NMNAT2: variants seen among roughly 807,000 people sequenced by gnomAD.
The protein encoded by NMNAT2 is nicotinamide nucleotide adenylyltransferase 2.
In NMNAT2, 11 loss-of-function variants were observed where a neutral mutation model predicts 41.6. The ratio of observed to expected loss-of-function variants is 0.26; its 90% confidence interval spans 0.17 to 0.44. The LOEUF (loss-of-function observed/expected upper bound fraction) is 0.44, where lower values mean the gene tolerates loss of function less well. NMNAT2 is among the 20% of genes least tolerant of loss of function. The probability of loss-of-function intolerance (pLI) is 1.00; values close to 1 mark genes in which losing one functional copy is unlikely to be tolerated. For missense variants in NMNAT2, 288 were observed against 407.7 expected, an observed-to-expected ratio of 0.71 and a Z score of 2.53; for synonymous variants, 148 against 151.2, an observed-to-expected ratio of 0.98 and a Z score of 0.16.
intron 1 of NMNAT2, among the ~76,000 whole-genome samples, chr1:183,309,124 C>T (rs953701237): frequency 6.6e-6 from 1 of 152,142 alleles, no homozygotes; most frequent in Non-Finnish European, 1.5e-5. Flanking sequence ...CTCAGCCTCC[C>T]GAGTAGCAGG....
chr1:183,263,490 T>C (rs766691320), intron 8 of NMNAT2, among the ~76,000 whole-genome samples: 1 of 152,180 alleles, frequency 6.6e-6, no homozygotes, highest in Non-Finnish European at 1.5e-5. Context: ...GCTTTAAACA[T>C]TTCCAAAGCC....
chr1:183,256,810 C>T lies in NMNAT2; in HGVS notation c.822-4067G>A, dbSNP rs368379660. 5.5e-4 allele frequency among the ~76,000 whole-genome samples: 84 copies of T among 152,208 alleles called. 1 individual carries two copies. The East Asian group carries it at 0.014, about 26-fold the overall frequency. The stretch of plus-strand genomic sequence containing the variant: ...TGTTGCCCAGGCTGGAGTGCAGCAG[C>T]GCATGATCTCAGTTCACTGCAACCT... On this transcript the variant is annotated intron_variant, in intron 10 of 10. Coordinates refer to ENST00000287713, the MANE Select transcript of NMNAT2 (RefSeq NM_015039.4).
chr1:183,392,860 C>G (rs115490165), intron 1 of NMNAT2, among the ~76,000 whole-genome samples: 2,876 of 152,308 alleles, frequency 0.019, 62 homozygotes, highest in African/African-American at 0.053. Context: ...AATCCCCCAA[C>G]CCCATACTCA....
At chr1:183,371,227 A>C (rs562353863) in intron 1 of NMNAT2, among the ~76,000 whole-genome samples, 3 of 152,326 alleles carry the variant, frequency 2.0e-5, no homozygotes, top group Admixed American at 6.5e-5. Context: ...GAAAAAGGCT[A>C]TATACAGCAT....
intron 1 of NMNAT2, among the ~76,000 whole-genome samples, chr1:183,362,684 G>GT (rs373863216): frequency 5.9e-5 from 9 of 152,042 alleles, no homozygotes; most frequent in African/African-American, 1.9e-4. Context: ...TATTTGGGTT[G>GT]TTTTTTTCCT....
Position 183,377,062 on chromosome 1 carries a change from T to C in NMNAT2, c.85+41121A>G, listed in dbSNP as rs141469061. ...CCCCTCTCTTCCTCAAGGAAGGAAA[T>C]ATTCAGCAGGAAGTGCGACACAGCT... On this transcript the variant is annotated intron_variant, in intron 1 of 10. Transcript: ENST00000287713. Among the ~76,000 whole-genome samples, 437 of 152,080 alleles carry C rather than the reference T, an allele frequency of 2.9e-3. 1 individual carries two copies. Among genetic ancestry groups the C allele is most frequent in the Admixed American group, 5.0e-3 (77 of 15,280 alleles).
intron 1 of NMNAT2, among the ~76,000 whole-genome samples, chr1:183,321,353 T>C (rs905091257): frequency 3.3e-5 from 5 of 152,146 alleles, no homozygotes; most frequent in African/African-American, 1.2e-4. Flanking sequence ...CCTCAGAGGC[T>C]AGGGTAGGAA....
intron 1 of NMNAT2, among the ~76,000 whole-genome samples, chr1:183,324,843 G>A (rs969157689): frequency 9.9e-5 from 15 of 152,008 alleles, no homozygotes; most frequent in Non-Finnish European, 1.5e-4. Context: ...TAAACTCCCC[G>A]GGGGCAGGGA....
At chr1:183,342,920 TA>T (rs1361750363) in intron 1 of NMNAT2, among the ~76,000 whole-genome samples, 4 of 151,408 alleles carry the variant, frequency 2.6e-5, no homozygotes, top group African/African-American at 9.7e-5. Context: ...TTATTATTAT[TA>T]TTATTATTTT....
chr1:183,375,141 C>A (rs975930055), intron 1 of NMNAT2, among the ~76,000 whole-genome samples: 3 of 152,190 alleles, frequency 2.0e-5, no homozygotes, highest in African/African-American at 7.2e-5. Flanking sequence ...CTTTGTCTCT[C>A]CTTTGTCCTC....
chr1:183,414,349 A>G (rs1361947964), intron 1 of NMNAT2, among the ~76,000 whole-genome samples: 1 of 152,248 alleles, frequency 6.6e-6, no homozygotes, highest in Non-Finnish European at 1.5e-5. Context: ...TTTTGTTTAT[A>G]TAGCCAAAAT....
At chr1:183,297,889 A>C (rs1661745361) in intron 1 of NMNAT2, among the ~76,000 whole-genome samples, 1 of 152,230 alleles carries the variant, frequency 6.6e-6, no homozygotes, top group Non-Finnish European at 1.5e-5. Flanking sequence ...CCAGGGATAC[A>C]AGGCTGTTTT....
chr1:183,337,276 AT>A lies in NMNAT2; in HGVS notation c.86-43484del, dbSNP rs199581681. ...AATGACATAGTGAAGGGATAAAAAT[AT>A]GAAAAAAATTAGGAAGAGAGAAAAT... On this transcript the variant is annotated intron_variant, in intron 1 of 10. Coordinates refer to ENST00000287713, the MANE Select transcript of NMNAT2 (RefSeq NM_015039.4). Among the ~76,000 whole-genome samples, 1,232 of 152,298 alleles carry A rather than the reference AT, an allele frequency of 8.1e-3. 18 individuals carry two copies. Among genetic ancestry groups the A allele is most frequent in the African/African-American group, 0.028 (1,166 of 41,576 alleles).
At chr1:183,271,896 G>A (rs1660995981) in intron 8 of NMNAT2, among the ~76,000 whole-genome samples, 1 of 152,132 alleles carries the variant, frequency 6.6e-6, no homozygotes, top group Non-Finnish European at 1.5e-5. Flanking sequence ...GGGATTACAG[G>A]AGCCTGCCAC....
intron 1 of NMNAT2, among the ~76,000 whole-genome samples, chr1:183,364,240 G>A (rs1663368148): frequency 6.6e-6 from 1 of 152,200 alleles, no homozygotes; most frequent in South Asian, 2.1e-4. Context: ...AGCTCATAAT[G>A]CATTGGGTAA....
At chr1:183,350,481 C>G (rs952294870) in intron 1 of NMNAT2, among the ~76,000 whole-genome samples, 1 of 152,188 alleles carries the variant, frequency 6.6e-6, no homozygotes, top group Admixed American at 6.5e-5. Flanking sequence ...CATAATTTTA[C>G]CATTCAAAGA....
At chr1:183,326,430 G>T (rs1201526390) in intron 1 of NMNAT2, among the ~76,000 whole-genome samples, 1 of 150,558 alleles carries the variant, frequency 6.6e-6, no homozygotes, top group Non-Finnish European at 1.5e-5. Context: ...TTTAGATATG[G>T]TTGCAAGGGA....
At chr1:183,362,829 A>G (rs886418823) in intron 1 of NMNAT2, among the ~76,000 whole-genome samples, 1 of 152,178 alleles carries the variant, frequency 6.6e-6, no homozygotes, top group African/African-American at 2.4e-5. Context: ...TAACTTTTTG[A>G]GAAACTGACA....
Position 183,414,276 on chromosome 1 carries a change from G to GA in NMNAT2, c.85+3906dup, listed in dbSNP as rs537196117. On this transcript the variant is annotated intron_variant, in intron 1 of 10. Coordinates refer to ENST00000287713, the MANE Select transcript of NMNAT2 (RefSeq NM_015039.4). ...GACCCTATATCTACAAATTAAAATA[G>GA]AAAAAAATACAAAAAATAGCTAGAA... Among the ~76,000 whole-genome samples the GA allele has an allele frequency of 9.9e-5, 15 of 152,174 alleles. No homozygotes were observed. The South Asian group carries it at 1.9e-3, about 19-fold the overall frequency.
Sources: gnomAD v4.1 joint callset for allele counts (sites outside exome capture counted in the v4.1 genomes callset) on GRCh38, gnomAD v4.1.1 for gene constraint, MANE v1.5 for transcripts, NCBI Gene and HGNC (gene_info 2026-07-23, HGNC 2026-07-21) for gene names.